SYNJ2BP: variants seen among roughly 807,000 people sequenced by gnomAD.
SYNJ2BP encodes the protein synaptojanin 2 binding protein.
A neutral mutation model predicts 16.9 loss-of-function variants in SYNJ2BP; 10 were observed. The observed-to-expected ratio is 0.59, with a 90% CI of 0.36 to 1.00. The LOEUF (loss-of-function observed/expected upper bound fraction) is 1.00. Ranked by LOEUF, SYNJ2BP falls within the 50% of genes least tolerant of loss-of-function variation. The pLI, the probability that SYNJ2BP is intolerant of heterozygous loss-of-function variation, is 0.01. For missense variants in SYNJ2BP, 162 were observed against 186.7 expected, an observed-to-expected ratio of 0.87 and a Z score of 0.77; for synonymous variants, 54 against 68.4, an observed-to-expected ratio of 0.79 and a Z score of 1.04.
At chr14:70,415,910 T>C (rs1010790959) in intron 1 of SYNJ2BP, among the ~76,000 whole-genome samples, 6 of 152,242 alleles carry the variant, frequency 3.9e-5, no homozygotes, top group African/African-American at 1.4e-4. Context: ...ACATTTTACA[T>C]GGATTAACTC....
In SYNJ2BP at chr14:70,370,526, A is replaced by G. The variant is rs1887496202; in HGVS notation, c.*2465T>C. ...CTGTTTAAAGCAAGTTTCTCCCTAT[A>G]CCAGTAGTGACCCAGAGGCAAGGTC... On this transcript the variant is annotated 3_prime_UTR_variant, in exon 4 of 4. Transcript: ENST00000256366. 1 of 152,138 alleles carries G rather than the reference A, an allele frequency of 6.6e-6. No homozygotes were observed. Among genetic ancestry groups the G allele is most frequent in the Admixed American group, 6.6e-5 (1 of 15,266 alleles). The allele number at this position is 152,138 out of a possible 1,614,324, so 9.4% of individuals were successfully genotyped here.
At chr14:70,390,435 A>G (rs1019322646) in intron 1 of SYNJ2BP, among the ~76,000 whole-genome samples, 13 of 152,010 alleles carry the variant, frequency 8.6e-5, no homozygotes, top group African/African-American at 2.7e-4. Context: ...TTGGGAGGCC[A>G]AGGCAGGTGG....
At chr14:70,390,473 C>G (rs979999559) in intron 1 of SYNJ2BP, among the ~76,000 whole-genome samples, 13 of 151,780 alleles carry the variant, frequency 8.6e-5, no homozygotes, top group Non-Finnish European at 5.9e-5. Context: ...TCGAGACCAT[C>G]TTGGCTAACA....
intron 1 of SYNJ2BP, among the ~76,000 whole-genome samples, chr14:70,413,232 C>A (rs1351440028): frequency 3.3e-5 from 5 of 152,208 alleles, no homozygotes; most frequent in Non-Finnish European, 7.3e-5. Context: ...ATGGAAGAGA[C>A]CTCTGAAGTC....
At chr14:70,399,141 T>C (rs1366389212) in intron 1 of SYNJ2BP, among the ~76,000 whole-genome samples, 1 of 152,082 alleles carries the variant, frequency 6.6e-6, no homozygotes, top group East Asian at 1.9e-4. Flanking sequence ...CAGGCGCCGC[T>C]CCCACTTCCC....
chr14:70,370,977 A>C lies in SYNJ2BP; in HGVS notation c.*2014T>G, dbSNP rs755361213. On this transcript the variant is annotated 3_prime_UTR_variant, in exon 4 of 4. Coordinates refer to ENST00000256366, the MANE Select transcript of SYNJ2BP (RefSeq NM_018373.3). ...AAGCCCTATGGGATGGAGGATATGC[A>C]CTGTACTTCTTTGTAAAAGTGTCTT... The C allele has an allele frequency of 6.6e-6, 1 of 152,194 alleles. No homozygotes were observed. The highest frequency in any genetic ancestry group is 1.5e-5 in the Non-Finnish European group (1 of 68,034). The allele number at this position is 152,194 out of a possible 1,614,324, so 9.4% of individuals were successfully genotyped here. A position where few individuals can be genotyped will look rare whatever the true frequency, so the allele number is the denominator to read the frequency against.
intron 2 of SYNJ2BP, among the ~76,000 whole-genome samples, chr14:70,384,746 T>C (rs1330001488): frequency 6.6e-6 from 1 of 152,142 alleles, no homozygotes; most frequent in African/African-American, 2.4e-5. Flanking sequence ...AGAAGGTACT[T>C]GCTTCTCCTT....
chr14:70,415,496 G>A (rs1888584669), intron 1 of SYNJ2BP, among the ~76,000 whole-genome samples: 1 of 150,850 alleles, frequency 6.6e-6, no homozygotes, highest in Non-Finnish European at 1.5e-5. Flanking sequence ...GGCTGCAGTG[G>A]GCTGAGATCG....
At chr14:70,395,280 T>C (rs539646399) in intron 1 of SYNJ2BP, among the ~76,000 whole-genome samples, 58 of 152,356 alleles carry the variant, frequency 3.8e-4, no homozygotes, top group African/African-American at 1.4e-3. Flanking sequence ...AAATGACCAG[T>C]GTTAACCTGT....
chr14:70,382,936 T>C (rs1298429434), intron 2 of SYNJ2BP, among the ~76,000 whole-genome samples: 2 of 151,578 alleles, frequency 1.3e-5, no homozygotes, highest in African/African-American at 4.8e-5. Flanking sequence ...CTCTGACTTG[T>C]AAATGTAGAG....
intron 2 of SYNJ2BP, among the ~76,000 whole-genome samples, chr14:70,377,789 A>G (rs1001718754): frequency 3.3e-5 from 5 of 152,120 alleles, no homozygotes; most frequent in Admixed American, 6.5e-5. Context: ...CTCTCAACTA[A>G]AATTATACAC....
Position 70,372,778 on chromosome 14 carries a change from A to G in SYNJ2BP, c.*213T>C. 1 of 650,748 alleles carries G rather than the reference A, an allele frequency of 1.5e-6. No individual in the cohort carries two copies. Among genetic ancestry groups the G allele is most frequent in the Non-Finnish European group, 2.5e-6 (1 of 403,614 alleles). 40.3% of individuals were successfully genotyped at this position (650,748 alleles called of 1,614,324 possible). A position where few individuals can be genotyped will look rare whatever the true frequency, so the allele number is the denominator to read the frequency against. On this transcript the variant is annotated 3_prime_UTR_variant, in exon 4 of 4. Coordinates refer to ENST00000256366, the MANE Select transcript of SYNJ2BP (RefSeq NM_018373.3). ...AATATATAACTCCTCATTTGTTCTAAGCCAAGTCTTTTCTTCAGTTTTCCT... is the reference window on the plus strand; with the variant it reads ...AATATATAACTCCTCATTTGTTCTAGGCCAAGTCTTTTCTTCAGTTTTCCT...
Position 70,396,054 on chromosome 14 carries a change from T to G in SYNJ2BP, c.65-7448A>C, listed in dbSNP as rs556873804. ...TTCATCTGGCAGAGGATATCTGTGT[T>G]GTTTCCACATTTGGCGGCTGTGAAC... is the stretch of plus-strand genomic sequence containing the variant. On this transcript the variant is annotated intron_variant, in intron 1 of 3. Coordinates refer to ENST00000256366, the MANE Select transcript of SYNJ2BP (RefSeq NM_018373.3). Among the ~76,000 whole-genome samples the G allele has an allele frequency of 7.9e-4, 121 of 152,360 alleles. 1 individual carries two copies. Among genetic ancestry groups the G allele is most frequent in the African/African-American group, 2.8e-3 (115 of 41,574 alleles).
chr14:70,397,948 C>T (rs1252116347), intron 1 of SYNJ2BP, among the ~76,000 whole-genome samples: 3 of 45,014 alleles, frequency 6.7e-5, no homozygotes, highest in Admixed American at 3.0e-4. Flanking sequence ...CAGCTCCTTT[C>T]AGCATCCAGG....
intron 1 of SYNJ2BP, among the ~76,000 whole-genome samples, chr14:70,413,536 G>A (rs541951485): frequency 1.3e-5 from 2 of 152,352 alleles, no homozygotes; most frequent in South Asian, 4.1e-4. Flanking sequence ...CTACACAGGA[G>A]GCTGAGGCAG....
At position 70,396,399 on chromosome 14, in the gene SYNJ2BP, G is replaced by C. The variant is rs570141560; in HGVS notation, c.65-7793C>G. Among the ~76,000 whole-genome samples the C allele has an allele frequency of 9.2e-5, 14 of 152,250 alleles. No homozygotes were observed. In the East Asian group the frequency reaches 2.7e-3, roughly 29 times the overall value. On this transcript the variant is annotated intron_variant, in intron 1 of 3. Transcript: ENST00000256366. ...CCCAAAGTGCTGGGATTACAGGCAT[G>C]ACCCACCGCGCCCGGTCCCTTCTTG...
chr14:70,372,923 C>A lies in SYNJ2BP; in HGVS notation c.*68G>T. 6.3e-7 allele frequency: 1 copy of A among 1,589,452 alleles called. No individual in the cohort carries two copies. Among genetic ancestry groups the A allele is most frequent in the Non-Finnish European group, 8.5e-7 (1 of 1,170,174 alleles). On this transcript the variant is annotated 3_prime_UTR_variant, in exon 4 of 4. Transcript: ENST00000256366. ...TATGCAGAGAGAGGGAAAGACATGG[C>A]AGAATAGCAGGGGTGGAGGGTGAGT...
intron 1 of SYNJ2BP, among the ~76,000 whole-genome samples, chr14:70,389,819 C>A (rs1887941145): frequency 1.3e-5 from 2 of 152,280 alleles, no homozygotes; most frequent in Non-Finnish European, 2.9e-5. Context: ...ACTGACTACT[C>A]GTTGATTAGC....
In SYNJ2BP at chr14:70,372,998, T is replaced by G. The variant is rs1050340767; in HGVS notation, c.431A>C (p.Gln144Pro). The G allele has an allele frequency of 6.2e-7, 1 of 1,614,114 alleles. No homozygotes were observed. Among genetic ancestry groups the G allele is most frequent in the Admixed American group, 1.7e-5 (1 of 60,010 alleles). Residue 144 changes from glutamine (Q) to proline (P), a missense_variant, in exon 4 of 4, where the codon CAA becomes CCA. By Grantham distance (76) the Gln-to-Pro change is moderately conservative. Transcript: ENST00000256366. Reference protein sequence around the residue: ...AAWAFMRYRQQL With the variant: ...AAWAFMRYRQPL ...TGAAAGAGAGCAAGTTTTTCAAAGT[T>G]GTTGCCGGTATCTCATGAAAGCCCA...
Sources: allele counts gnomAD v4.1 joint callset (sites outside exome capture counted in the v4.1 genomes callset), GRCh38; gene constraint gnomAD v4.1.1; transcripts MANE v1.5; gene names NCBI Gene and HGNC (gene_info 2026-07-23, HGNC 2026-07-21).